Variants in SGCZ observed in about 807,000 individuals in gnomAD.
SGCZ encodes sarcoglycan zeta, also known as zeta-sarcoglycan.
SGCZ carries 40 observed loss-of-function variants against 41.3 expected under a neutral mutation model. The ratio of observed to expected loss-of-function variants is 0.97; its 90% CI spans 0.75 to 1.26. The LOEUF is 1.26. Ranked by LOEUF, SGCZ falls within the 50% of genes most tolerant of loss-of-function variation. SGCZ has a pLI of 0.00. For synonymous variants in SGCZ, 206 were observed against 137.5 expected (o/e 1.50, Z -3.49); for missense variants, 552 against 369.8 (o/e 1.49, Z -4.04).
chr8:14,621,412 T>G (rs1388318704), intron 1 of SGCZ, among the ~76,000 whole-genome samples: 1 of 151,634 alleles, frequency 6.6e-6, no homozygotes, highest in African/African-American at 2.4e-5. Context: ...GTTGTGCACA[T>G]GTACCATAGA....
At chr8:15,173,048 C>T (rs1799891977) in intron 1 of SGCZ, among the ~76,000 whole-genome samples, 1 of 152,032 alleles carries the variant, frequency 6.6e-6, no homozygotes, top group Middle Eastern at 3.2e-3. Flanking sequence ...CATATAAGTC[C>T]TCGACTTTTA....
chr8:14,129,448 T>C (rs1156523929), intron 5 of SGCZ, among the ~76,000 whole-genome samples: 5 of 136,856 alleles, frequency 3.7e-5, no homozygotes, highest in African/African-American at 8.1e-5. Context: ...CATAAACATG[T>C]AGAAATTAAA....
At position 14,339,833 on chromosome 8, in the gene SGCZ, T is replaced by C. The variant is rs374298562; in HGVS notation, c.235-15629A>G. 5.3e-5 allele frequency among the ~76,000 whole-genome samples: 8 copies of C among 152,058 alleles called. 1 individual carries two copies. Among genetic ancestry groups the C allele is most frequent in the African/African-American group, 1.9e-4 (8 of 41,468 alleles). On this transcript the variant is annotated intron_variant, in intron 2 of 7. Transcript: ENST00000382080. ...AAAATATGTGCATAAAATTGACGAA[T>C]ATATTGGAAAAAACACATGGGAATG...
At chr8:15,155,032 C>G (rs566631916) in intron 1 of SGCZ, among the ~76,000 whole-genome samples, 1 of 152,308 alleles carries the variant, frequency 6.6e-6, no homozygotes, top group East Asian at 1.9e-4. Context: ...TAGCTCACCC[C>G]TGAGATCCCA....
At position 14,086,214 on chromosome 8, in the gene SGCZ, G is replaced by A. The variant is rs1801518569; in HGVS notation, c.*4229C>T. On this transcript the variant is annotated 3_prime_UTR_variant, in exon 8 of 8. Coordinates refer to ENST00000382080, the MANE Select transcript of SGCZ (RefSeq NM_139167.4). ...TCATATAAAACTCAAATATGAATTT[G>A]GCTTTGAGGATTTTATAGAAAATTT... Among the ~76,000 whole-genome samples, 1 of 151,530 alleles carries A rather than the reference G, an allele frequency of 6.6e-6. No individual in the cohort carries two copies. The highest frequency in any genetic ancestry group is 2.4e-5 in the African/African-American group (1 of 41,348).
At chr8:14,435,358 T>C (rs539093018) in intron 2 of SGCZ, among the ~76,000 whole-genome samples, 1 of 152,298 alleles carries the variant, frequency 6.6e-6, no homozygotes, top group South Asian at 2.1e-4. Flanking sequence ...GCAGAATCTA[T>C]TGTTCCAGTC....
intron 2 of SGCZ, among the ~76,000 whole-genome samples, chr8:14,445,258 A>G (rs1233627549): frequency 2.0e-5 from 3 of 152,216 alleles, no homozygotes; most frequent in Admixed American, 2.0e-4. Context: ...CAAAGTGGTA[A>G]CTTCTATTCC....
intron 1 of SGCZ, among the ~76,000 whole-genome samples, chr8:15,125,724 A>T (rs1176421949): frequency 1.3e-5 from 2 of 152,240 alleles, no homozygotes; most frequent in African/African-American, 4.8e-5. Flanking sequence ...ACTGTTCATT[A>T]CCATGAAGTA....
chr8:14,851,440 C>A (rs1251745209), intron 1 of SGCZ, among the ~76,000 whole-genome samples: 1 of 148,942 alleles, frequency 6.7e-6, no homozygotes, highest in Non-Finnish European at 1.5e-5. Flanking sequence ...ATGATCACAT[C>A]TATCTGGAAA....
intron 1 of SGCZ, among the ~76,000 whole-genome samples, chr8:14,577,927 G>A (rs1379878992): frequency 1.6e-4 from 25 of 152,118 alleles, no homozygotes; most frequent in Admixed American, 1.6e-3. Flanking sequence ...GAACAAAAGA[G>A]TATAATCATT....
intron 1 of SGCZ, among the ~76,000 whole-genome samples, chr8:15,040,879 T>C (rs7842430): frequency 0.026 from 3,973 of 152,240 alleles, 181 homozygotes; most frequent in African/African-American, 0.088. Flanking sequence ...GACTGATAAA[T>C]TGTGTTAGAA....
chr8:14,524,060 A>G (rs987293390), intron 2 of SGCZ, among the ~76,000 whole-genome samples: 1 of 152,090 alleles, frequency 6.6e-6, no homozygotes, highest in African/African-American at 2.4e-5. Context: ...GTCAGGTAAA[A>G]CTACACATGT....
At chr8:14,146,671 G>A (rs1411544946) in intron 5 of SGCZ, among the ~76,000 whole-genome samples, 4 of 151,836 alleles carry the variant, frequency 2.6e-5, no homozygotes, top group African/African-American at 9.7e-5. Flanking sequence ...AGGAGATCGA[G>A]ACCATCCCGG....
intron 1 of SGCZ, among the ~76,000 whole-genome samples, chr8:14,751,393 T>C (rs1799493356): frequency 6.6e-6 from 1 of 152,144 alleles, no homozygotes; most frequent in Non-Finnish European, 1.5e-5. Context: ...CTAGAGTATT[T>C]ATACCATATG....
At chr8:15,069,428 G>A (rs908443211) in intron 1 of SGCZ, among the ~76,000 whole-genome samples, 1 of 152,286 alleles carries the variant, frequency 6.6e-6, no homozygotes, top group Middle Eastern at 3.4e-3. Flanking sequence ...GCATGTAAGG[G>A]TTGTATTTTC....
intron 1 of SGCZ, among the ~76,000 whole-genome samples, chr8:14,579,452 T>C (rs545903293): frequency 5.9e-4 from 90 of 152,332 alleles, no homozygotes; most frequent in South Asian, 1.4e-3. Context: ...ACATTTTTTC[T>C]GAATCAAGTG....
rs943969031 is a variant in SGCZ at position 14,105,880 on chromosome 8, T to C, written c.620+2283A>G. Reference sequence around the variant, plus strand: ...CAGTAAAAATTATAAAATGAGCATATAGTTACCAAAACGTTAGAAATAAAA... The same window carrying C: ...CAGTAAAAATTATAAAATGAGCATACAGTTACCAAAACGTTAGAAATAAAA... On this transcript the variant is annotated intron_variant, in intron 6 of 7. Coordinates refer to ENST00000382080, the MANE Select transcript of SGCZ (RefSeq NM_139167.4). 3.3e-5 allele frequency among the ~76,000 whole-genome samples: 5 copies of C among 152,248 alleles called. No individual in the cohort carries two copies. The East Asian group carries it at 9.6e-4, about 29-fold the overall frequency.
intron 1 of SGCZ, among the ~76,000 whole-genome samples, chr8:15,091,249 G>T (rs1806145673): frequency 6.6e-6 from 1 of 152,028 alleles, no homozygotes; most frequent in Non-Finnish European, 1.5e-5. Context: ...TGCAACTCTG[G>T]GCTCAAGTGG....
intron 1 of SGCZ, among the ~76,000 whole-genome samples, chr8:14,636,890 T>C (rs1806846624): frequency 6.6e-6 from 1 of 151,910 alleles, no homozygotes; most frequent in African/African-American, 2.4e-5. Flanking sequence ...GATGGAAATG[T>C]TTTATTACTA....
Sources: gnomAD v4.1 joint callset for allele counts (sites outside exome capture counted in the v4.1 genomes callset) on GRCh38, gnomAD v4.1.1 for gene constraint, MANE v1.5 for transcripts, NCBI Gene and HGNC (gene_info 2026-07-23, HGNC 2026-07-21) for gene names.